The following TRAF2 variants were observed in gnomAD, a reference collection of about 807,000 sequenced individuals.
TRAF2 encodes the protein TNF receptor associated factor 2.
In TRAF2, 6 loss-of-function variants were observed where a neutral mutation model predicts 55.6. That is an observed-to-expected ratio of 0.11 (90% CI 0.06 to 0.21). TRAF2 has a LOEUF of 0.21. Ranked by LOEUF, TRAF2 falls within the 10% of genes least tolerant of loss-of-function variation. The pLI is 1.00. For missense variants in TRAF2, 561 were observed against 684.5 expected (o/e 0.82, Z 2.01); for synonymous variants, 329 against 276.3 (o/e 1.19, Z -1.89).
chr9:136,887,813 C>T (rs1849487985), intron 1 of TRAF2, among the ~76,000 whole-genome samples: 1 of 152,108 alleles, frequency 6.6e-6, no homozygotes, highest in South Asian at 2.1e-4. Context: ...TGTTATCAAG[C>T]TTCTATTTGG....
At chr9:136,900,147 T>A (rs1849781474) in intron 3 of TRAF2, among the ~76,000 whole-genome samples, 2 of 146,514 alleles carry the variant, frequency 1.4e-5, no homozygotes, top group Non-Finnish European at 3.0e-5. Context: ...CCAACCTGGG[T>A]TACAAAGTGA....
intron 7 of TRAF2, among the ~76,000 whole-genome samples, chr9:136,917,563 T>C (rs1337146250): frequency 6.6e-6 from 1 of 152,320 alleles, no homozygotes; most frequent in African/African-American, 2.4e-5. Context: ...GTGTGCCTGA[T>C]GGATGGAGAG....
chr9:136,912,744 C>T (rs1322758981), intron 6 of TRAF2, among the ~76,000 whole-genome samples: 4 of 60,832 alleles, frequency 6.6e-5, no homozygotes, highest in South Asian at 7.0e-4. Context: ...GGCTGAGGTG[C>T]GAAAATTGCT....
chr9:136,924,667 A>T (rs947767105), intron 10 of TRAF2, among the ~76,000 whole-genome samples: 1 of 152,174 alleles, frequency 6.6e-6, no homozygotes, highest in African/African-American at 2.4e-5. Flanking sequence ...AGTAGTTTGA[A>T]AACCCTGCCC....
At chr9:136,910,030 C>G in intron 6 of TRAF2, 36 bp downstream of exon 6, 185 of 1,526,792 alleles carry the variant, frequency 1.2e-4, no homozygotes, top group Middle Eastern at 3.4e-4. Flanking sequence ...GACCGCAGGG[C>G]GGGGCCCATG....
At chr9:136,904,048 G>C (rs939300582) in intron 4 of TRAF2, among the ~76,000 whole-genome samples, 2 of 152,148 alleles carry the variant, frequency 1.3e-5, no homozygotes, top group South Asian at 2.1e-4. Context: ...GAGAGTAGAG[G>C]TGTGCCGCTG....
At chr9:136,892,802 C>T (rs924334914) in intron 1 of TRAF2, among the ~76,000 whole-genome samples, 3 of 151,886 alleles carry the variant, frequency 2.0e-5, no homozygotes, top group African/African-American at 4.8e-5. Flanking sequence ...ATCGCTTGAA[C>T]CTGGGAGGCG....
intron 6 of TRAF2, among the ~76,000 whole-genome samples, chr9:136,913,807 C>T (rs1850178458): frequency 6.6e-6 from 1 of 152,084 alleles, no homozygotes; most frequent in African/African-American, 2.4e-5. Flanking sequence ...CTCCCAGCCC[C>T]TCCTCTCCAT....
At chr9:136,889,445 G>C (rs762177647) in intron 1 of TRAF2, 1 of 151,642 alleles carries the variant, frequency 6.6e-6, no homozygotes, top group Non-Finnish European at 1.5e-5. Flanking sequence ...CATAATGCCC[G>C]GCTAATTTTT....
intron 1 of TRAF2, among the ~76,000 whole-genome samples, chr9:136,888,523 T>C (rs942994484): frequency 6.6e-6 from 1 of 152,150 alleles, no homozygotes; most frequent in Non-Finnish European, 1.5e-5. Flanking sequence ...TGAATTGAGG[T>C]TTGAATCTCC....
intron 6 of TRAF2, among the ~76,000 whole-genome samples, chr9:136,914,927 C>T (rs1251441918): frequency 6.6e-6 from 1 of 152,020 alleles, no homozygotes; most frequent in Non-Finnish European, 1.5e-5. Context: ...TGCCTGTTAT[C>T]CCAGCACTTT....
In TRAF2 at chr9:136,898,708, C is replaced by CT. The variant is rs1564407723; in HGVS notation, c.-28-3dup. On this transcript the variant is annotated splice_polypyrimidine_tract_variant and splice_region_variant and intron_variant, in intron 1 of 10. Coordinates refer to ENST00000247668, the MANE Select transcript of TRAF2 (RefSeq NM_021138.4). ...AGGTGTAACGTGCTGTGTGTTCTTC[C>CT]TTAGGGCTTTGTTCGCGGGGGTCAC... 6.2e-7 allele frequency: 1 copy of CT among 1,612,288 alleles called. No individual in the cohort carries two copies. The highest frequency in any genetic ancestry group is 1.7e-5 in the Admixed American group (1 of 60,018).
intron 6 of TRAF2, 116 bp from the exon 7 acceptor site, chr9:136,916,425 G>A: frequency 9.8e-7 from 1 of 1,016,032 alleles, no homozygotes; most frequent in Non-Finnish European, 1.5e-6. Flanking sequence ...GTGTGAGAGT[G>A]AAGAGGCCAA....
At chr9:136,913,422 C>T (rs1431593393) in intron 6 of TRAF2, among the ~76,000 whole-genome samples, 1 of 150,086 alleles carries the variant, frequency 6.7e-6, no homozygotes, top group East Asian at 2.0e-4. Context: ...CTCAGCGTCC[C>T]TAGTAGCTGG....
upstream of TRAF2, chr9:136,886,513 C>T (rs1453564921): frequency 6.1e-5 from 61 of 993,000 alleles, no homozygotes; most frequent in Non-Finnish European, 7.3e-5. Flanking sequence ...TGGGCGGGCC[C>T]TTAGTTCCGG....
In TRAF2 at chr9:136,917,902, C is replaced by T. The variant is rs17250532; in HGVS notation, c.678+1287C>T. Among the ~76,000 whole-genome samples, 1,287 of 152,194 alleles carry T rather than the reference C, an allele frequency of 8.5e-3. 24 individuals are homozygous for T. The highest frequency in any genetic ancestry group is 0.029 in the African/African-American group (1,221 of 41,524). The stretch of plus-strand genomic sequence containing the variant: ...GGGCCTCAGTGGTGCTTGCTGCCGC[C>T]ACCGTGCTCCTTGTTTCTGGGCCTC... On this transcript the variant is annotated intron_variant, in intron 7 of 10. Transcript: ENST00000247668.
chr9:136,896,759 C>T (rs1294608892), intron 1 of TRAF2, among the ~76,000 whole-genome samples: 1 of 152,126 alleles, frequency 6.6e-6, no homozygotes, highest in Non-Finnish European at 1.5e-5. Flanking sequence ...CAGGCGCCCG[C>T]CGCCACGCCC....
At chr9:136,909,109 A>C (rs990549163) in intron 5 of TRAF2, among the ~76,000 whole-genome samples, 10 of 152,132 alleles carry the variant, frequency 6.6e-5, no homozygotes, top group African/African-American at 2.4e-4. Context: ...TTTGTCTTAG[A>C]AAAGTCTAAA....
chr9:136,918,227 TTATATATATATA>T (rs764701854), intron 7 of TRAF2, among the ~76,000 whole-genome samples: 2 of 68,082 alleles, frequency 2.9e-5, no homozygotes, highest in South Asian at 6.3e-4. Flanking sequence ...AGTGTTTTGT[TTATATATATATA>T]TATATATATA....
Sources: gnomAD v4.1 joint callset for allele counts (sites outside exome capture counted in the v4.1 genomes callset) on GRCh38, gnomAD v4.1.1 for gene constraint, MANE v1.5 for transcripts, NCBI Gene and HGNC (gene_info 2026-07-23, HGNC 2026-07-21) for gene names.